Variants in CEP250 observed in about 807,000 individuals in gnomAD.
The protein encoded by CEP250 is centrosomal protein 250.
CEP250 carries 242 observed loss-of-function variants against 315.7 expected under a neutral mutation model. That is an observed-to-expected ratio of 0.77 (90% CI 0.69 to 0.85). The LOEUF (loss-of-function observed/expected upper bound fraction) is 0.85, where lower values mean the gene tolerates loss of function less well. Among genes scored for constraint, CEP250 ranks in the 40% least tolerant of loss-of-function variants. CEP250 has a pLI of 0.00. For synonymous variants in CEP250, 1,088 were observed against 1,175.0 expected (o/e 0.93, Z 1.51); for missense variants, 2,515 against 2,886.4 (o/e 0.87, Z 2.95).
intron 13 of CEP250, 143 bp downstream of exon 13, chr20:35,473,695 A>T: frequency 9.2e-7 from 1 of 1,092,714 alleles, no homozygotes; most frequent in Non-Finnish European, 1.3e-6. Context: ...CCAGTGTTTC[A>T]CTTGTTTCTC....
intron 3 of CEP250, among the ~76,000 whole-genome samples, chr20:35,461,537 C>T (rs535915733): frequency 1.3e-5 from 2 of 152,352 alleles, no homozygotes; most frequent in East Asian, 3.9e-4. Context: ...CCTGCTGCCA[C>T]TGGTTCCTTC....
chr20:35,507,518 T>C (rs1479868144), intron 30 of CEP250, among the ~76,000 whole-genome samples: 1 of 150,560 alleles, frequency 6.6e-6, no homozygotes, highest in Non-Finnish European at 1.5e-5. Flanking sequence ...TGATCCTAGC[T>C]TCCTTGCTAG....
Position 35,502,773 on chromosome 20 carries a change from G to A in CEP250, c.4404G>A (p.Arg1468=), listed in dbSNP as rs1568831615. The change falls in exon 30 of 35, where the codon AGG becomes AGA. Residue 1468 remains arginine (R), a synonymous_variant. Coordinates refer to ENST00000397527, the MANE Select transcript of CEP250 (RefSeq NM_007186.6). ...TGCTGTCTCTGGACCTGAAGAAGAG[G>A]AACCAAGAGGTAGATCTGCAGCAAG... The part of the protein sequence containing the change: ...LELLSLDLKK[R]NQEVDLQQEQ... 2 of 1,614,142 alleles carry A rather than the reference G, an allele frequency of 1.2e-6. No homozygotes were observed. The highest frequency in any genetic ancestry group is 1.7e-6 in the Non-Finnish European group (2 of 1,180,058).
rs1353208181 is a variant in CEP250, at chr20:35,507,815, G to A, written c.6714G>A (p.Leu2238=). The A allele has an allele frequency of 1.3e-6, 2 of 1,583,960 alleles. No individual in the cohort carries two copies. Among genetic ancestry groups the A allele is most frequent in the East Asian group, 4.6e-5 (2 of 43,096 alleles). ...HSPGATSTAE[L]GSRGEQGVQL... is the part of the protein sequence containing the mutation. The stretch of plus-strand genomic sequence containing the variant: ...CAGGTGCAACCAGCACAGCAGAACT[G>A]GGGTCCAGAGGGGAGCAGGGTGTGC... Residue 2238 remains leucine, a synonymous_variant, in exon 31 of 35, where the codon CTG becomes CTA. Transcript: ENST00000397527.
rs936132880 is a variant in CEP250, at chr20:35,503,286, C to G, written c.4917C>G (p.Ile1639Met). ...DQEVKSQREQ[I>M]EELQRQKEHL... ...AGGTGAAGTCTCAGCGAGAACAGAT[C>G]GAGGAGCTGCAGAGGCAGAAAGAGC... The change falls in exon 30 of 35, where the codon ATC (isoleucine) becomes ATG (methionine). Residue 1639 changes from isoleucine to methionine, a missense_variant. Ile to Met is a conservative substitution (Grantham distance 10, BLOSUM62 1). Coordinates refer to ENST00000397527, the MANE Select transcript of CEP250 (RefSeq NM_007186.6). This position sits in a 1 kb window ranked among gnomAD's most constrained non-coding sequence, Gnocchi z 4.2. 2 of 1,613,870 alleles carry G rather than the reference C, an allele frequency of 1.2e-6. No individual in the cohort carries two copies. Among genetic ancestry groups the G allele is most frequent in the Admixed American group, 1.7e-5 (1 of 59,980 alleles).
intron 25 of CEP250, 25 bp from the exon 26 acceptor site, chr20:35,497,694 A>G (rs2063879680): frequency 1.3e-6 from 2 of 1,497,598 alleles, no homozygotes; most frequent in Non-Finnish European, 1.8e-6. Context: ...TCCTGCTTAT[A>G]TTATGTAAAA....
At position 35,508,113 on chromosome 20, in the gene CEP250, C is replaced by T. The variant is rs754488798; in HGVS notation, c.6829C>T (p.Gln2277Ter). ...GAGACAAAGGCTTGAACACCTGCAG[C>T]AAGCAGTGGCCCGGCTGGAGATTGA... The part of the protein sequence containing the change: ...SWRQRLEHLQ[Q>*]AVARLEIDRS... The change falls in exon 32 of 35, where the codon CAA becomes TAA. Residue 2277 changes from glutamine to a stop codon, truncating the protein, a stop_gained. Transcript: ENST00000397527. LOFTEE classifies it high-confidence loss of function. 3.7e-6 allele frequency: 6 copies of T among 1,614,148 alleles called. No individual in the cohort carries two copies. The highest frequency in any genetic ancestry group is 5.1e-6 in the Non-Finnish European group (6 of 1,180,016).
chr20:35,488,164 C>A (rs1342446312), intron 20 of CEP250, among the ~76,000 whole-genome samples: 3 of 152,242 alleles, frequency 2.0e-5, no homozygotes, highest in Non-Finnish European at 4.4e-5. Flanking sequence ...TCCTACACAT[C>A]ACAGAATTAG....
intron 1 of CEP250, among the ~76,000 whole-genome samples, chr20:35,457,528 A>T (rs534983638): frequency 6.8e-6 from 1 of 146,472 alleles, no homozygotes; most frequent in African/African-American, 2.5e-5. Context: ...ACAGCCAGCA[A>T]TTTTTTTTTT....
At chr20:35,455,978 C>T (rs1202884585) in intron 1 of CEP250, among the ~76,000 whole-genome samples, 2 of 152,228 alleles carry the variant, frequency 1.3e-5, no homozygotes, top group East Asian at 1.9e-4. Flanking sequence ...TCACCTCAAC[C>T]TCCGCCTCCC....
rs2064133069 is a variant in CEP250, at chr20:35,504,714, G to T, written c.6345G>T (p.Glu2115Asp). The change falls in exon 30 of 35, where the codon GAG becomes GAT. Residue 2115 changes from glutamate to aspartate, a missense_variant. Physicochemically the swap from Glu to Asp is conservative, Grantham distance 45. Coordinates refer to ENST00000397527, the MANE Select transcript of CEP250 (RefSeq NM_007186.6). ...AACAGGAGATTCTGGAGCTGAGGGA[G>T]ACCCAGCAAAGGAACAACCTGGAAG... is the stretch of plus-strand genomic sequence containing the variant. ...QKEQEILELR[E>D]TQQRNNLEAL... 6.2e-7 allele frequency: 1 copy of T among 1,614,206 alleles called. No individual in the cohort carries two copies. Among genetic ancestry groups the T allele is most frequent in the East Asian group, 2.2e-5 (1 of 44,878 alleles).
chr20:35,479,356 T>G lies in CEP250; in HGVS notation c.2220T>G (p.Ala740=). 6.2e-7 allele frequency: 1 copy of G among 1,614,094 alleles called. No individual in the cohort carries two copies. Among genetic ancestry groups the G allele is most frequent in the Non-Finnish European group, 8.5e-7 (1 of 1,180,018 alleles). ...AGGCCCTAGTACGAGAGAAAGCGGCTCTAGAGGTGCGGCTGCAGGCCGTGG... is the reference window on the plus strand; with the variant it reads ...AGGCCCTAGTACGAGAGAAAGCGGCGCTAGAGGTGCGGCTGCAGGCCGTGG... ...EKEALVREKA[A]LEVRLQAVER... The change falls in exon 18 of 35, where the codon GCT becomes GCG. Residue 740 remains alanine (A), a synonymous_variant. Coordinates refer to ENST00000397527, the MANE Select transcript of CEP250 (RefSeq NM_007186.6).
In CEP250 at chr20:35,503,445, G is replaced by C. The variant is rs758074500; in HGVS notation, c.5076G>C (p.Leu1692Phe). The C allele has an allele frequency of 5.0e-6, 8 of 1,614,024 alleles. No homozygotes were observed. The Admixed American group carries it at 1.0e-4, about 20-fold the overall frequency. Residue 1692 changes from leucine (L) to phenylalanine (F), a missense_variant, in exon 30 of 35, where the codon TTG becomes TTC. Physicochemically the swap from Leu to Phe is conservative, Grantham distance 22 (BLOSUM62 0). Transcript: ENST00000397527. This position sits in a 1 kb window ranked among gnomAD's most constrained non-coding sequence, Gnocchi z 4.2. ...ACCTGGAACAGATCAAGCTGTCCTT[G>C]AGAGAGCGAGGCCGGGAGCTGACCA... ...EEDLEQIKLS[L>F]RERGRELTTQ...
intron 27 of CEP250, among the ~76,000 whole-genome samples, chr20:35,499,264 A>C (rs2063934200): frequency 6.6e-6 from 1 of 152,206 alleles, no homozygotes; most frequent in Non-Finnish European, 1.5e-5. Context: ...GACAAAAGTG[A>C]AACTCCATCT....
intron 5 of CEP250, among the ~76,000 whole-genome samples, chr20:35,465,445 A>AT (rs2062852545): frequency 2.0e-5 from 3 of 151,122 alleles, no homozygotes; most frequent in Admixed American, 6.6e-5. Flanking sequence ...AAAAAATGAA[A>AT]GAAGTTAAGT....
chr20:35,511,614 C>T lies in CEP250; in HGVS notation c.7317C>T (p.Ala2439=), dbSNP rs781615451. ...ACCCCAGCCCCAGCACTACCCAAGC[C>T]GCCTCCAGGTAGCAGCCACAGCCAG... ...LLHPSPSTTQ[A]ASR is the part of the protein sequence containing the mutation. Residue 2439 remains alanine (A), a synonymous_variant, in exon 35 of 35, where the codon GCC becomes GCT. Coordinates refer to ENST00000397527, the MANE Select transcript of CEP250 (RefSeq NM_007186.6). 13 of 1,609,170 alleles carry T rather than the reference C, an allele frequency of 8.1e-6. No individual in the cohort carries two copies. Among genetic ancestry groups the T allele is most frequent in the Admixed American group, 5.0e-5 (3 of 59,906 alleles).
intron 9 of CEP250, among the ~76,000 whole-genome samples, chr20:35,469,000 A>G (rs1203699139): frequency 3.9e-5 from 6 of 152,170 alleles, no homozygotes; most frequent in Non-Finnish European, 8.8e-5. Context: ...GAGTGATGCA[A>G]TACTTAAACA....
chr20:35,502,477 C>T lies in CEP250; in HGVS notation c.4108C>T (p.Gln1370Ter). The T allele has an allele frequency of 7.4e-6, 12 of 1,614,220 alleles. No individual in the cohort carries two copies. The highest frequency in any genetic ancestry group is 1.0e-5 in the Non-Finnish European group (12 of 1,180,030). Residue 1370 changes from glutamine (Q) to a stop codon, truncating the protein, a stop_gained, in exon 30 of 35, where the codon CAG becomes TAG. Coordinates refer to ENST00000397527, the MANE Select transcript of CEP250 (RefSeq NM_007186.6). LOFTEE classifies it high-confidence loss of function. ...LQAAVVEARA[Q>*]ASAAGILEED... ...AGCAGCTGTCGTAGAAGCCAGGGCT[C>T]AGGCAAGTGCTGCTGGCATCCTGGA... is the stretch of plus-strand genomic sequence containing the variant.
At chr20:35,492,863 G>T (rs1030670170) in intron 22 of CEP250, among the ~76,000 whole-genome samples, 4 of 152,110 alleles carry the variant, frequency 2.6e-5, no homozygotes, top group African/African-American at 9.7e-5. Flanking sequence ...AAGTAGCTGG[G>T]ATTACAGGTG....
Sources: allele counts gnomAD v4.1 joint callset (sites outside exome capture counted in the v4.1 genomes callset), GRCh38; gene constraint gnomAD v4.1.1; non-coding constraint Gnocchi (gnomAD v3.1); transcripts MANE v1.5; gene names NCBI Gene and HGNC (gene_info 2026-07-23, HGNC 2026-07-21).